Variants in BABAM2 observed in about 807,000 individuals in gnomAD.
BABAM2 encodes the protein BRISC and BRCA1 A complex member 2.
A neutral mutation model predicts 54.7 loss-of-function variants in BABAM2; 31 were observed. That is an observed-to-expected ratio of 0.57 (90% CI 0.43 to 0.77). BABAM2 has a LOEUF of 0.77. Among genes scored for constraint, BABAM2 ranks in the 30% least tolerant of loss-of-function variants. The probability of loss-of-function intolerance (pLI) is 0.00; values close to 1 mark genes in which losing one functional copy is unlikely to be tolerated. For missense variants in BABAM2, 364 were observed against 455.8 expected, an observed-to-expected ratio of 0.80 and a Z score of 1.83; for synonymous variants, 167 against 162.9, an observed-to-expected ratio of 1.03 and a Z score of -0.19.
At chr2:28,123,599 A>G (rs1391148199) in intron 6 of BABAM2, among the ~76,000 whole-genome samples, 1 of 152,180 alleles carries the variant, frequency 6.6e-6, no homozygotes, top group Non-Finnish European at 1.5e-5. Flanking sequence ...TTCTTTTCTA[A>G]TTTCCCAGAT....
chr2:27,985,520 C>CTGA (rs1672338448), intron 3 of BABAM2, among the ~76,000 whole-genome samples: 1 of 152,034 alleles, frequency 6.6e-6, no homozygotes, highest in South Asian at 2.1e-4. Flanking sequence ...ATGCCTTATT[C>CTGA]TTCACTGAAG....
chr2:27,939,178 C>A (rs1035094588), intron 3 of BABAM2, among the ~76,000 whole-genome samples: 4 of 152,162 alleles, frequency 2.6e-5, no homozygotes, highest in Non-Finnish European at 4.4e-5. Flanking sequence ...GTCTCGATGT[C>A]TTGACCTAGT....
chr2:28,181,389 G>A (rs1230043887), intron 7 of BABAM2, among the ~76,000 whole-genome samples: 2 of 152,150 alleles, frequency 1.3e-5, no homozygotes, highest in East Asian at 3.8e-4. Flanking sequence ...CAAATATCAC[G>A]TGTTCTCATT....
intron 11 of BABAM2, among the ~76,000 whole-genome samples, chr2:28,305,357 A>T (rs1336988277): frequency 6.6e-6 from 1 of 152,084 alleles, no homozygotes; most frequent in East Asian, 1.9e-4. Context: ...TAGTTTTTGC[A>T]TGTTGAACCA....
chr2:28,045,614 A>C (rs1481386790), intron 5 of BABAM2, 111 bp from the exon 6 acceptor site: 1 of 820,902 alleles, frequency 1.2e-6, no homozygotes, highest in Admixed American at 3.0e-5. Context: ...AGGAAAACCA[A>C]ATTGAAGATG....
At chr2:28,105,159 G>A (rs920075588) in intron 6 of BABAM2, among the ~76,000 whole-genome samples, 2 of 152,084 alleles carry the variant, frequency 1.3e-5, no homozygotes, top group African/African-American at 4.8e-5. Flanking sequence ...TGCACATTGT[G>A]CGCATGTACC....
intron 6 of BABAM2, among the ~76,000 whole-genome samples, chr2:28,124,603 A>G (rs1669342717): frequency 1.3e-5 from 2 of 152,194 alleles, no homozygotes; most frequent in Non-Finnish European, 2.9e-5. Flanking sequence ...AGATGTAGAG[A>G]ATAAAAATTA....
chr2:28,186,362 C>A (rs1676278161), intron 7 of BABAM2, among the ~76,000 whole-genome samples: 1 of 152,152 alleles, frequency 6.6e-6, no homozygotes, highest in Non-Finnish European at 1.5e-5. Flanking sequence ...TGTTTCAAAG[C>A]AAATTCACAA....
At chr2:28,112,181 C>CCTTCCTT (rs1558347125) in intron 6 of BABAM2, among the ~76,000 whole-genome samples, 9 of 30,858 alleles carry the variant, frequency 2.9e-4, no homozygotes, top group African/African-American at 9.4e-4. Flanking sequence ...CTCCCTCCCT[C>CCTTCCTT]CCTCCCTCCC....
chr2:28,158,336 A>G (rs1481464884), intron 7 of BABAM2, among the ~76,000 whole-genome samples: 3 of 152,262 alleles, frequency 2.0e-5, no homozygotes, highest in East Asian at 3.8e-4. Context: ...AGGGCTACAT[A>G]GGGAGAAAAG....
intron 10 of BABAM2, among the ~76,000 whole-genome samples, chr2:28,273,626 C>T (rs1318247541): frequency 1.3e-5 from 2 of 151,952 alleles, no homozygotes; most frequent in African/African-American, 2.4e-5. Context: ...GGATGAGGTA[C>T]GAGAATTGCT....
At chr2:28,018,240 G>A (rs1674987407) in intron 4 of BABAM2, among the ~76,000 whole-genome samples, 1 of 152,186 alleles carries the variant, frequency 6.6e-6, no homozygotes, top group African/African-American at 2.4e-5. Flanking sequence ...GCTCCCACGT[G>A]TGAGTGAGAA....
chr2:28,281,023 T>G (rs1686311878), intron 10 of BABAM2, among the ~76,000 whole-genome samples: 1 of 152,190 alleles, frequency 6.6e-6, no homozygotes. Context: ...GAACTTTCCT[T>G]TCTCTTTTAT....
At chr2:28,069,594 G>C (rs911673865) in intron 6 of BABAM2, among the ~76,000 whole-genome samples, 1 of 152,058 alleles carries the variant, frequency 6.6e-6, no homozygotes. Flanking sequence ...TGCTACTTTC[G>C]AGCAGGATTG....
intron 7 of BABAM2, chr2:28,134,482 T>G (rs753073517): frequency 6.6e-6 from 1 of 152,260 alleles, no homozygotes; most frequent in Non-Finnish European, 1.5e-5. Context: ...TTTTCTTGGC[T>G]TGAGCCACTT....
At chr2:27,940,996 G>T (rs936533424) in intron 3 of BABAM2, among the ~76,000 whole-genome samples, 2 of 152,188 alleles carry the variant, frequency 1.3e-5, no homozygotes, top group East Asian at 3.9e-4. Flanking sequence ...CCCTACATGA[G>T]GACTCAATTC....
intron 6 of BABAM2, among the ~76,000 whole-genome samples, chr2:28,129,043 T>C (rs1026807234): frequency 2.6e-5 from 4 of 152,140 alleles, no homozygotes; most frequent in African/African-American, 7.2e-5. Context: ...ACAAGTGAGA[T>C]AGGTGGAGGT....
At chr2:28,309,830 C>T (rs534031022) in intron 11 of BABAM2, 4 of 463,014 alleles carry the variant, frequency 8.6e-6, no homozygotes, top group African/African-American at 3.9e-5. Flanking sequence ...CAACATAGCT[C>T]GGGTGATCAG....
At chr2:28,164,269 G>C (rs554409446) in intron 7 of BABAM2, among the ~76,000 whole-genome samples, 2 of 152,274 alleles carry the variant, frequency 1.3e-5, no homozygotes, top group East Asian at 3.9e-4. Flanking sequence ...CCTTCAGTGT[G>C]TTTTTTGTTG....
Sources: allele counts gnomAD v4.1 joint callset (sites outside exome capture counted in the v4.1 genomes callset), GRCh38; gene constraint gnomAD v4.1.1; transcripts MANE v1.5; gene names NCBI Gene and HGNC (gene_info 2026-07-23, HGNC 2026-07-21).